Variants in NPC1 observed in about 807,000 individuals in gnomAD.
NPC1 encodes NPC intracellular cholesterol transporter 1.
Under a neutral mutation model 140.4 loss-of-function variants are expected in NPC1, and 85 were observed. The ratio of observed to expected loss-of-function variants is 0.61; its 90% confidence interval spans 0.51 to 0.72. The LOEUF (loss-of-function observed/expected upper bound fraction) is 0.72, where lower values mean the gene tolerates loss of function less well. Ranked by LOEUF, NPC1 falls within the 30% of genes least tolerant of loss-of-function variation. The pLI is 0.00. For synonymous variants in NPC1, 656 were observed against 624.8 expected (o/e 1.05, Z -0.74); for missense variants, 1,504 against 1,623.8 (o/e 0.93, Z 1.27).
At chr18:23,562,181 C>T (rs989195178) in intron 4 of NPC1, among the ~76,000 whole-genome samples, 8 of 151,394 alleles carry the variant, frequency 5.3e-5, no homozygotes, top group African/African-American at 1.7e-4. Context: ...CCCAGCTACT[C>T]GGGAGGCTGA....
chr18:23,551,565 T>C, intron 10 of NPC1, 62 bp downstream of exon 10: 1 of 1,222,202 alleles, frequency 8.2e-7, no homozygotes, highest in Non-Finnish European at 1.2e-6. Context: ...TACCACTTGA[T>C]GCTAATGACA....
At position 23,557,627 on chromosome 18, in the gene NPC1, C is replaced by A. The variant is rs140332657; in HGVS notation, c.882-437G>T. On this transcript the variant is annotated intron_variant, in intron 6 of 24. Transcript: ENST00000269228. ...AAAAGGTTAGCTGGGTGTGGTGGCACGTGCCTTGGGAGGCTGAGGCAGGAG... is the reference window on the plus strand; with the variant it reads ...AAAAGGTTAGCTGGGTGTGGTGGCAAGTGCCTTGGGAGGCTGAGGCAGGAG... Among the ~76,000 whole-genome samples, 3 of 152,022 alleles carry A rather than the reference C, an allele frequency of 2.0e-5. No homozygotes were observed. The South Asian group carries it at 6.2e-4, about 32-fold the overall frequency.
chr18:23,581,200 A>G (rs916183643), intron 1 of NPC1, among the ~76,000 whole-genome samples: 1 of 152,182 alleles, frequency 6.6e-6, no homozygotes, highest in East Asian at 1.9e-4. Flanking sequence ...TTTTTTCCCT[A>G]TGGAATGTTC....
rs1424685540 is a variant in NPC1, at chr18:23,506,541, ATCTG to A, written c.529_532del (p.Arg178ValfsTer4). The A allele has an allele frequency of 7.1e-5, 12 of 169,532 alleles. No homozygotes were observed. The allele number at this position is 169,532 out of a possible 1,614,324, so 10.5% of individuals were successfully genotyped here. ...TGCCCAGCTGAGTTCACTTTTTAAC[ATCTG>A]TCTGAGGCGGTCATGAGACACTGTA... On this transcript the variant is annotated frameshift_variant, in exon 4 of 4. Transcript: ENST00000591107. LOFTEE classifies it high-confidence loss of function.
At chr18:23,527,760 G>C (rs763035519), downstream of NPC1, 6 of 1,526,680 alleles carry the variant, frequency 3.9e-6, no homozygotes, top group Non-Finnish European at 5.5e-6. Context: ...ACATGAAGTT[G>C]GTTTGATCCG....
At chr18:23,524,322 G>A (rs572406475), downstream of NPC1, 603 of 1,494,128 alleles carry the variant, frequency 4.0e-4, no homozygotes, top group Admixed American at 5.8e-4. Flanking sequence ...GGGGCCTCGC[G>A]TTTAGCGTGG....
chr18:23,523,995 T>G, intron 1 of NPC1: 1 of 982,968 alleles, frequency 1.0e-6, no homozygotes, highest in South Asian at 1.5e-5. Context: ...GACGGAACAG[T>G]TCATTTCTTC....
chr18:23,576,431 G>C (rs749167711), intron 1 of NPC1: 1 of 980,798 alleles, frequency 1.0e-6, no homozygotes, highest in Non-Finnish European at 1.2e-6. Context: ...CAAAAAAAAA[G>C]TCATCCTGCC....
Position 23,531,933 on chromosome 18 carries a change from T to G in NPC1, c.*269A>C, listed in dbSNP as rs1426690763. ...GGATCACATTCACAGCCATCTAGTG[T>G]CACCTCCTGCTTGCCAAAGAATGAG... On this transcript the variant is annotated 3_prime_UTR_variant, in exon 25 of 25. Coordinates refer to ENST00000269228, the MANE Select transcript of NPC1 (RefSeq NM_000271.5). 6.9e-7 allele frequency: 1 copy of G among 1,444,378 alleles called. No individual in the cohort carries two copies. Among genetic ancestry groups the G allele is most frequent in the African/African-American group, 1.4e-5 (1 of 69,560 alleles). 89.5% of individuals were successfully genotyped at this position (1,444,378 alleles called of 1,614,324 possible). A position where few individuals can be genotyped will look rare whatever the true frequency, so the allele number is the denominator to read the frequency against.
chr18:23,565,599 C>G (rs1164975739), intron 4 of NPC1, among the ~76,000 whole-genome samples: 2 of 152,208 alleles, frequency 1.3e-5, no homozygotes, highest in Admixed American at 1.3e-4. Flanking sequence ...TGTGATCTGC[C>G]TGCCTCGGCC....
In NPC1 at chr18:23,586,434, C is replaced by T; in HGVS notation, c.-91G>A. ...CTACTTCCCCGGGCTGTTTCAGCAC[C>T]CCGCGCAGGAGGAGCGGAGGAGCAG... On this transcript the variant is annotated 5_prime_UTR_variant, in exon 1 of 25. Transcript: ENST00000269228. The T allele has an allele frequency of 4.6e-6, 7 of 1,515,528 alleles. No homozygotes were observed. In the South Asian group the frequency reaches 7.3e-5, roughly 16 times the overall value. The allele number at this position is 1,515,528 out of a possible 1,614,324, so 93.9% of individuals were successfully genotyped here.
chr18:23,561,837 G>GTA (rs1454175124), intron 4 of NPC1, among the ~76,000 whole-genome samples: 1 of 152,096 alleles, frequency 6.6e-6, no homozygotes, highest in Non-Finnish European at 1.5e-5. Flanking sequence ...ATATAGAAGA[G>GTA]TATACCAAGG....
Position 23,544,431 on chromosome 18 carries a change from G to C in NPC1, c.2043C>G (p.Pro681=), listed in dbSNP as rs754244869. 33 of 1,614,148 alleles carry C rather than the reference G, an allele frequency of 2.0e-5. No individual in the cohort carries two copies. The highest frequency in any genetic ancestry group is 2.8e-5 in the Non-Finnish European group (33 of 1,180,026). The change falls in exon 13 of 25, where the codon CCC becomes CCG. Residue 681 remains proline (P), a synonymous_variant. Transcript: ENST00000269228. The part of the protein sequence containing the change: ...SLGVFSYIGL[P]LTLIVIEVIP... The stretch of plus-strand genomic sequence containing the variant: ...TGACTTCAATCACAATGAGGGTCAA[G>C]GGCAACCCAATGTAGCTGAAGACAC...
chr18:23,533,337 T>C lies in NPC1; in HGVS notation c.3754+18A>G. 1 of 1,612,352 alleles carries C rather than the reference T, an allele frequency of 6.2e-7. No individual in the cohort carries two copies. The highest frequency in any genetic ancestry group is 2.2e-5 in the East Asian group (1 of 44,886). On this transcript the variant is annotated intron_variant, in intron 24 of 24. Transcript: ENST00000269228. ...ATGTCCTTCTATTGTGCCACCCTTT[T>C]AAGATGAGAACTCTTACCTATGTAA...
intron 4 of NPC1, 104 bp from the exon 5 acceptor site, chr18:23,561,631 G>T: frequency 9.0e-7 from 1 of 1,116,480 alleles, no homozygotes; most frequent in Non-Finnish European, 1.4e-6. Context: ...AACTCCATAT[G>T]CACCATGCTG....
chr18:23,515,951 G>A lies in NPC1; in HGVS notation c.432-9309C>T, dbSNP rs1383846898. On this transcript the variant is annotated intron_variant, in intron 3 of 3. Coordinates refer to the NPC1 transcript ENST00000591107. Reference sequence around the variant, plus strand: ...GCCCCGAGAGCGCCGTGATCTTGCTGTCTACCACGGTCCTGGAGAATGTCC... The same window carrying A: ...GCCCCGAGAGCGCCGTGATCTTGCTATCTACCACGGTCCTGGAGAATGTCC... The A allele has an allele frequency of 2.5e-6, 4 of 1,614,008 alleles. No homozygotes were observed. In the African/African-American group the frequency reaches 5.3e-5, roughly 22 times the overall value.
At chr18:23,516,436 CAG>C in intron 3 of NPC1, 1 of 1,610,846 alleles carries the variant, frequency 6.2e-7, no homozygotes, top group East Asian at 2.2e-5. Flanking sequence ...ATGTCCGTGT[CAG>C]AGAGAATTCC....
Position 23,531,830 on chromosome 18 carries a change from T to C in NPC1, c.*372A>G. The C allele has an allele frequency of 2.0e-6, 3 of 1,482,014 alleles. 1 individual carries two copies. The South Asian group carries it at 4.2e-5, about 21-fold the overall frequency. 91.8% of individuals were successfully genotyped at this position (1,482,014 alleles called of 1,614,324 possible). On this transcript the variant is annotated 3_prime_UTR_variant, in exon 25 of 25. Transcript: ENST00000269228. Reference sequence around the variant, plus strand: ...CTCAACTGTCACTAAAAATATGGTATAGAACTTGTGGGATGGCTTACTCCT... The same window carrying C: ...CTCAACTGTCACTAAAAATATGGTACAGAACTTGTGGGATGGCTTACTCCT...
At chr18:23,529,605 A>T, downstream of NPC1, 1 of 1,585,680 alleles carries the variant, frequency 6.3e-7, no homozygotes, top group African/African-American at 1.3e-5. Flanking sequence ...CCTCGTTGGT[A>T]TTTGTAAGAC....
Sources: gnomAD v4.1 joint callset for allele counts (sites outside exome capture counted in the v4.1 genomes callset) on GRCh38, gnomAD v4.1.1 for gene constraint, MANE v1.5 for transcripts, NCBI Gene and HGNC (gene_info 2026-07-23, HGNC 2026-07-21) for gene names.